KCNIP4: variants seen among roughly 807,000 people sequenced by gnomAD.
KCNIP4 encodes potassium voltage-gated channel interacting protein 4.
Under a neutral mutation model 34.0 loss-of-function variants are expected in KCNIP4, and 12 were observed. The observed-to-expected ratio is 0.35, with a 90% confidence interval of 0.23 to 0.57. KCNIP4 has a LOEUF of 0.57. Among genes scored for constraint, KCNIP4 ranks in the 20% least tolerant of loss-of-function variants. The pLI is 0.83. For synonymous variants in KCNIP4, 124 were observed against 102.2 expected (o/e 1.21, Z -1.29); for missense variants, 238 against 311.7 (o/e 0.76, Z 1.78).
chr4:20,922,543 GTCTGTCTA>G (rs1377944488), intron 1 of KCNIP4, among the ~76,000 whole-genome samples: 31 of 81,962 alleles, frequency 3.8e-4, no homozygotes, highest in South Asian at 6.9e-4. Flanking sequence ...CTGTCTGTCT[GTCTGTCTA>G]TCTATCTATC....
chr4:21,559,505 C>CT lies in KCNIP4; in HGVS notation c.61+389065dup, dbSNP rs570111319. On this transcript the variant is annotated intron_variant, in intron 1 of 8. Coordinates refer to ENST00000382152, the MANE Select transcript of KCNIP4 (RefSeq NM_025221.6). ...AAGGACTAATTGATGGCATCTGTCCCTTAAGGAGTTCGGAGTATACAGAAG... is the reference window on the plus strand; with the variant it reads ...AAGGACTAATTGATGGCATCTGTCCCTTTAAGGAGTTCGGAGTATACAGAAG... Among the ~76,000 whole-genome samples, 19 of 152,178 alleles carry CT rather than the reference C, an allele frequency of 1.2e-4. No individual in the cohort carries two copies. In the East Asian group the frequency reaches 3.3e-3, roughly 26 times the overall value.
At chr4:20,999,344 A>G (rs1737847464) in intron 1 of KCNIP4, among the ~76,000 whole-genome samples, 1 of 151,624 alleles carries the variant, frequency 6.6e-6, no homozygotes, top group Admixed American at 6.6e-5. Context: ...CAGGGCTATT[A>G]ACGTAAACAG....
At chr4:21,401,762 C>T (rs892857032) in intron 1 of KCNIP4, among the ~76,000 whole-genome samples, 1 of 152,058 alleles carries the variant, frequency 6.6e-6, no homozygotes, top group Admixed American at 6.6e-5. Context: ...CGTTGTGAGC[C>T]CATTATATAA....
intron 1 of KCNIP4, among the ~76,000 whole-genome samples, chr4:21,023,450 T>C (rs904991322): frequency 1.3e-5 from 2 of 152,270 alleles, no homozygotes; most frequent in East Asian, 1.9e-4. Context: ...ATCCAAAATA[T>C]ATAAAGAATT....
intron 3 of KCNIP4, among the ~76,000 whole-genome samples, chr4:20,837,001 T>A (rs1719127313): frequency 6.6e-6 from 1 of 152,134 alleles, no homozygotes; most frequent in African/African-American, 2.4e-5. Context: ...CATCAATATA[T>A]ATCCAATACT....
chr4:21,256,853 G>C (rs1378144871), intron 1 of KCNIP4, among the ~76,000 whole-genome samples: 1 of 152,178 alleles, frequency 6.6e-6, no homozygotes, highest in African/African-American at 2.4e-5. Context: ...TGATGGCTGA[G>C]ATTGGGCTGA....
At chr4:20,896,855 G>A (rs900684014) in intron 1 of KCNIP4, among the ~76,000 whole-genome samples, 5 of 151,700 alleles carry the variant, frequency 3.3e-5, no homozygotes, top group Admixed American at 6.6e-5. Context: ...ACTGTATATA[G>A]AACAATGTCT....
intron 8 of KCNIP4, among the ~76,000 whole-genome samples, chr4:20,730,495 A>G (rs931935581): frequency 3.9e-5 from 6 of 152,306 alleles, no homozygotes; most frequent in Middle Eastern, 3.4e-3. Flanking sequence ...ATCACAGGCC[A>G]AATCACACAG....
At chr4:21,228,595 G>C (rs1758569792) in intron 1 of KCNIP4, among the ~76,000 whole-genome samples, 1 of 152,120 alleles carries the variant, frequency 6.6e-6, no homozygotes, top group Admixed American at 6.5e-5. Flanking sequence ...CATCCCCTCT[G>C]GGGTATGAGC....
At chr4:21,109,584 C>T (rs559234548) in intron 1 of KCNIP4, among the ~76,000 whole-genome samples, 4 of 152,362 alleles carry the variant, frequency 2.6e-5, no homozygotes, top group African/African-American at 9.6e-5. Flanking sequence ...CCTGCTTTGG[C>T]TCGCGCATGG....
intron 1 of KCNIP4, among the ~76,000 whole-genome samples, chr4:21,268,837 G>C (rs901468134): frequency 6.6e-6 from 1 of 152,224 alleles, no homozygotes; most frequent in Non-Finnish European, 1.5e-5. Context: ...AAACTTCCTG[G>C]GCAAAACTAT....
intron 1 of KCNIP4, among the ~76,000 whole-genome samples, chr4:21,413,347 C>T (rs1724673804): frequency 6.6e-6 from 1 of 152,134 alleles, no homozygotes; most frequent in Admixed American, 6.6e-5. Flanking sequence ...GCCCTGAAGT[C>T]TGCTTTACCT....
At chr4:20,856,513 T>C (rs148346277) in intron 2 of KCNIP4, among the ~76,000 whole-genome samples, 51 of 152,292 alleles carry the variant, frequency 3.3e-4, no homozygotes, top group South Asian at 3.3e-3. Context: ...GTTTTCTCCA[T>C]TGTGAGTTTT....
At chr4:21,222,377 G>T (rs1038238413) in intron 1 of KCNIP4, among the ~76,000 whole-genome samples, 14 of 152,044 alleles carry the variant, frequency 9.2e-5, no homozygotes, top group African/African-American at 3.4e-4. Context: ...TTAGAAATAG[G>T]TCCAGTATAC....
intron 1 of KCNIP4, among the ~76,000 whole-genome samples, chr4:20,942,244 G>T (rs1731716495): frequency 6.6e-6 from 1 of 152,166 alleles, no homozygotes; most frequent in South Asian, 2.1e-4. Flanking sequence ...GAATTACATG[G>T]TGAGCACTGG....
At chr4:21,668,237 G>T (rs1235154100) in intron 1 of KCNIP4, among the ~76,000 whole-genome samples, 1 of 152,090 alleles carries the variant, frequency 6.6e-6, no homozygotes, top group Non-Finnish European at 1.5e-5. Context: ...TGGGCAGTTG[G>T]GGGTGAGGAG....
chr4:20,856,032 A>T (rs1721536416), intron 2 of KCNIP4, among the ~76,000 whole-genome samples: 1 of 152,204 alleles, frequency 6.6e-6, no homozygotes, highest in African/African-American at 2.4e-5. Context: ...AAAAAAGCCA[A>T]AATCCTTCAA....
At chr4:20,995,657 C>T (rs930035962) in intron 1 of KCNIP4, among the ~76,000 whole-genome samples, 2 of 152,190 alleles carry the variant, frequency 1.3e-5, no homozygotes, top group African/African-American at 4.8e-5. Flanking sequence ...CCTAAACTAA[C>T]TGAGCTGTAT....
intron 1 of KCNIP4, among the ~76,000 whole-genome samples, chr4:21,316,657 C>T (rs79817761): frequency 0.016 from 2,360 of 152,256 alleles, 57 homozygotes; most frequent in East Asian, 0.056. Context: ...GAGAGTCAGT[C>T]TGATAGCAAG....
Sources: gnomAD v4.1 joint callset for allele counts (sites outside exome capture counted in the v4.1 genomes callset) on GRCh38, gnomAD v4.1.1 for gene constraint, MANE v1.5 for transcripts, NCBI Gene and HGNC (gene_info 2026-07-23, HGNC 2026-07-21) for gene names.